Variants in SOS2 observed in about 807,000 individuals in gnomAD.
The protein encoded by SOS2 is SOS Ras/Rho guanine nucleotide exchange factor 2, also known as son of sevenless homolog 2.
Under a neutral mutation model 148.2 loss-of-function variants are expected in SOS2, and 65 were observed. The observed-to-expected ratio is 0.44, with a 90% CI of 0.36 to 0.54. SOS2 has a LOEUF of 0.54. Among genes scored for constraint, SOS2 ranks in the 20% least tolerant of loss-of-function variants. SOS2 has a pLI of 0.00. For missense variants in SOS2, 1,341 were observed against 1,590.2 expected (o/e 0.84, Z 2.67); for synonymous variants, 539 against 537.1 (o/e 1.00, Z -0.05).
At chr14:50,131,568 A>C (rs932866189) in intron 19 of SOS2, among the ~76,000 whole-genome samples, 1 of 146,750 alleles carries the variant, frequency 6.8e-6, no homozygotes, top group African/African-American at 2.5e-5. Flanking sequence ...CTAGTTTGAG[A>C]TACTCAAACA....
chr14:50,149,822 G>A (rs1243861901), intron 14 of SOS2, among the ~76,000 whole-genome samples, 186 bp downstream of exon 14: 1 of 152,156 alleles, frequency 6.6e-6, no homozygotes, highest in Non-Finnish European at 1.5e-5. Flanking sequence ...CTAGTCCCCA[G>A]TCTAGACATA....
chr14:50,225,161 G>A (rs376492792), intron 1 of SOS2, among the ~76,000 whole-genome samples: 3 of 152,032 alleles, frequency 2.0e-5, no homozygotes, highest in Admixed American at 6.6e-5. Flanking sequence ...CGCTATGTTG[G>A]CCAGGTTGGT....
chr14:50,135,410 AAG>A (rs1477336016), intron 18 of SOS2, among the ~76,000 whole-genome samples: 13 of 151,684 alleles, frequency 8.6e-5, no homozygotes, highest in Admixed American at 7.2e-4. Context: ...CTGCCAAAAA[AAG>A]AGAAAAAAAG....
intron 7 of SOS2, among the ~76,000 whole-genome samples, chr14:50,174,857 A>C (rs1885473132): frequency 6.6e-6 from 1 of 152,156 alleles, no homozygotes; most frequent in Non-Finnish European, 1.5e-5. Flanking sequence ...AAAGCTATGT[A>C]CTCTCCTGCA....
At chr14:50,231,053 G>A (rs989531344) in intron 1 of SOS2, 144 bp downstream of exon 1, 8 of 576,038 alleles carry the variant, frequency 1.4e-5, no homozygotes, top group Admixed American at 4.5e-5. Flanking sequence ...GAATGCAACA[G>A]GCAATTGTGA....
rs113803550 is a variant in SOS2 at position 50,167,428 on chromosome 14, G to A, written c.1069-5819C>T. Among the ~76,000 whole-genome samples, 811 of 152,102 alleles carry A rather than the reference G, an allele frequency of 5.3e-3. 4 individuals carry two copies. Among genetic ancestry groups the A allele is most frequent in the South Asian group, 8.9e-3 (43 of 4,824 alleles). ...CATGCTCTTGTAGTTCTAGCTACTC[G>A]GGAAGCTGAGATGGGAGGATTGATT... is the stretch of plus-strand genomic sequence containing the variant. On this transcript the variant is annotated intron_variant, in intron 8 of 22. Transcript: ENST00000216373.
intron 3 of SOS2, among the ~76,000 whole-genome samples, chr14:50,200,565 G>C (rs1886455074): frequency 6.6e-6 from 1 of 150,552 alleles, no homozygotes; most frequent in South Asian, 2.1e-4. Flanking sequence ...TGCCACAATG[G>C]GCCAGGCCTG....
At chr14:50,199,334 C>A (rs1886410003) in intron 4 of SOS2, among the ~76,000 whole-genome samples, 1 of 152,178 alleles carries the variant, frequency 6.6e-6, no homozygotes, top group Non-Finnish European at 1.5e-5. Context: ...CCTCACTAAG[C>A]TATGCTGTGA....
At chr14:50,138,550 T>A in intron 18 of SOS2, 62 bp downstream of exon 18, 1 of 338,312 alleles carries the variant, frequency 3.0e-6, no homozygotes. Flanking sequence ...ATTCATTCTA[T>A]TTTTTTTTTT....
At chr14:50,202,131 T>C (rs1886512447) in intron 2 of SOS2, among the ~76,000 whole-genome samples, 1 of 152,066 alleles carries the variant, frequency 6.6e-6, no homozygotes, top group South Asian at 2.1e-4. Flanking sequence ...CTTGGCTAAT[T>C]TTTCTATTTT....
intron 4 of SOS2, among the ~76,000 whole-genome samples, chr14:50,194,430 C>T (rs751869998): frequency 1.4e-5 from 2 of 146,608 alleles, no homozygotes; most frequent in Non-Finnish European, 3.0e-5. Flanking sequence ...TTGGAAATCT[C>T]ATTTCTTATA....
chr14:50,171,711 T>A (rs1885372154), intron 8 of SOS2, among the ~76,000 whole-genome samples: 1 of 145,992 alleles, frequency 6.8e-6, no homozygotes. Flanking sequence ...AAAAAAAAAT[T>A]CAACGGTCTA....
intron 19 of SOS2, among the ~76,000 whole-genome samples, chr14:50,132,297 A>C (rs905616389): frequency 6.9e-6 from 1 of 143,908 alleles, no homozygotes; most frequent in Non-Finnish European, 1.5e-5. Flanking sequence ...CAGGAGGATC[A>C]TTTAAGGCCA....
intron 8 of SOS2, among the ~76,000 whole-genome samples, chr14:50,162,085 A>G (rs1566832443): frequency 6.6e-6 from 1 of 151,836 alleles, no homozygotes; most frequent in Non-Finnish European, 1.5e-5. Context: ...CAATACAGAT[A>G]TAAACTAACA....
At chr14:50,133,264 T>TTTTTTG (rs1594960750) in intron 19 of SOS2, among the ~76,000 whole-genome samples, 1 of 146,750 alleles carries the variant, frequency 6.8e-6, no homozygotes, top group Non-Finnish European at 1.5e-5. Flanking sequence ...TTTTTTTTTT[T>TTTTTTG]GAGACGGGGT....
chr14:50,148,242 T>C (rs1884553608), intron 14 of SOS2, among the ~76,000 whole-genome samples: 3 of 151,186 alleles, frequency 2.0e-5, no homozygotes, highest in South Asian at 4.2e-4. Flanking sequence ...TGAAACCCCA[T>C]CTCTACTAAA....
chr14:50,126,322 T>C (rs984958934), intron 21 of SOS2, among the ~76,000 whole-genome samples: 1 of 152,176 alleles, frequency 6.6e-6, no homozygotes, highest in Admixed American at 6.5e-5. Flanking sequence ...TCCAGAGATA[T>C]ACATTATTAT....
chr14:50,225,069 A>G (rs1367441653), intron 1 of SOS2, among the ~76,000 whole-genome samples: 1 of 152,138 alleles, frequency 6.6e-6, no homozygotes, highest in African/African-American at 2.4e-5. Flanking sequence ...AATGTGTAAT[A>G]CTTTATCCAT....
intron 14 of SOS2, among the ~76,000 whole-genome samples, chr14:50,149,773 A>C (rs1280564536): frequency 1.3e-5 from 2 of 152,146 alleles, no homozygotes; most frequent in African/African-American, 4.8e-5. Context: ...GGGGTGGTGG[A>C]CTTGAAAATC....
Sources: allele counts gnomAD v4.1 joint callset (sites outside exome capture counted in the v4.1 genomes callset), GRCh38; gene constraint gnomAD v4.1.1; transcripts MANE v1.5; gene names NCBI Gene and HGNC (gene_info 2026-07-23, HGNC 2026-07-21).